The following KCNMA1 variants were observed in gnomAD, a reference collection of about 807,000 sequenced individuals.
The protein encoded by KCNMA1 is potassium calcium-activated channel subfamily M alpha 1.
A neutral mutation model predicts 140.0 loss-of-function variants in KCNMA1; 29 were observed. That is an observed-to-expected ratio of 0.21 (90% CI 0.15 to 0.28). The LOEUF (loss-of-function observed/expected upper bound fraction) is 0.28. Ranked by LOEUF, KCNMA1 falls within the 10% of genes least tolerant of loss-of-function variation. The pLI is 1.00. For synonymous variants in KCNMA1, 612 were observed against 611.9 expected (o/e 1.00, Z 0.00); for missense variants, 880 against 1,602.2 (o/e 0.55, Z 7.70).
intron 24 of KCNMA1, chr10:76,914,362 A>C: frequency 1.8e-6 from 1 of 551,260 alleles, no homozygotes; most frequent in Non-Finnish European, 3.2e-6. Flanking sequence ...CTATTGTCCA[A>C]CCAACATGGC....
intron 1 of KCNMA1, among the ~76,000 whole-genome samples, chr10:77,520,438 T>C (rs915294425): frequency 6.6e-6 from 1 of 151,970 alleles, no homozygotes; most frequent in Non-Finnish European, 1.5e-5. Flanking sequence ...TTCCTGCACA[T>C]AGGGGCTGGT....
intron 5 of KCNMA1, among the ~76,000 whole-genome samples, chr10:77,122,961 G>C (rs375565297): frequency 2.0e-5 from 3 of 151,766 alleles, no homozygotes; most frequent in Admixed American, 2.0e-4. Flanking sequence ...GGAGGATCAC[G>C]AGGTCAGGAG....
chr10:77,429,810 G>A (rs899802100), intron 1 of KCNMA1, among the ~76,000 whole-genome samples: 2 of 151,930 alleles, frequency 1.3e-5, no homozygotes, highest in Non-Finnish European at 1.5e-5. Flanking sequence ...TATCATATAT[G>A]TATATATATG....
intron 1 of KCNMA1, among the ~76,000 whole-genome samples, chr10:77,591,718 A>T (rs2079227913): frequency 6.6e-6 from 1 of 152,202 alleles, no homozygotes; most frequent in Non-Finnish European, 1.5e-5. Flanking sequence ...TTCCCTGGGA[A>T]TGTGGTTGCA....
At chr10:77,261,999 C>T (rs1013845573) in intron 2 of KCNMA1, among the ~76,000 whole-genome samples, 3 of 152,182 alleles carry the variant, frequency 2.0e-5, no homozygotes, top group African/African-American at 7.2e-5. Flanking sequence ...AGTTGCCACT[C>T]ACTGTCACCA....
In KCNMA1 at chr10:76,969,949, G is replaced by C. The variant is rs745723696; in HGVS notation, c.2360+25C>G. 3.8e-6 allele frequency: 6 copies of C among 1,574,214 alleles called. No homozygotes were observed. The African/African-American group carries it at 8.1e-5, about 21-fold the overall frequency. On this transcript the variant is annotated intron_variant, in intron 20 of 27. Transcript: ENST00000286628. ...GAAGAGAAGGGCTAAGAGGGAAACC[G>C]TGGGCAACCAGCCCCTCTCCTTACC... is the stretch of plus-strand genomic sequence containing the variant.
At chr10:77,231,167 T>C (rs1427228631) in intron 3 of KCNMA1, among the ~76,000 whole-genome samples, 1 of 152,198 alleles carries the variant, frequency 6.6e-6, no homozygotes, top group African/African-American at 2.4e-5. Flanking sequence ...TCCTTTATCA[T>C]TTGTACATGT....
chr10:77,194,871 T>C (rs2039912497), intron 3 of KCNMA1, among the ~76,000 whole-genome samples: 1 of 152,230 alleles, frequency 6.6e-6, no homozygotes, highest in African/African-American at 2.4e-5. Context: ...AAAACAGTTG[T>C]TCCATTTATC....
At chr10:77,288,737 T>C (rs905652106) in intron 2 of KCNMA1, among the ~76,000 whole-genome samples, 28 of 152,214 alleles carry the variant, frequency 1.8e-4, no homozygotes, top group African/African-American at 6.8e-4. Flanking sequence ...TAATGGTTAA[T>C]AATAGCTATC....
At chr10:77,546,500 G>A (rs2061492655) in intron 1 of KCNMA1, among the ~76,000 whole-genome samples, 1 of 152,242 alleles carries the variant, frequency 6.6e-6, no homozygotes, top group Non-Finnish European at 1.5e-5. Flanking sequence ...GACAAGCACA[G>A]GAGCAAAGCA....
At chr10:77,324,971 C>CTCTCTCTCTGTGTGTGTGTGTGTG (rs766240356) in intron 2 of KCNMA1, among the ~76,000 whole-genome samples, 5 of 90,378 alleles carry the variant, frequency 5.5e-5, no homozygotes, top group Non-Finnish European at 1.1e-4. Flanking sequence ...CTCTCTCTCT[C>CTCTCTCTCTGTGTGTGTGTGTGTG]TGTGTGTGTG....
At chr10:76,992,955 A>G (rs1385055197) in intron 19 of KCNMA1, among the ~76,000 whole-genome samples, 2 of 152,156 alleles carry the variant, frequency 1.3e-5, no homozygotes, top group African/African-American at 2.4e-5. Context: ...TTTTCCCCCC[A>G]TCGATGTAAG....
At chr10:77,341,355 T>C (rs937605026) in intron 2 of KCNMA1, among the ~76,000 whole-genome samples, 1 of 152,196 alleles carries the variant, frequency 6.6e-6, no homozygotes, top group African/African-American at 2.4e-5. Context: ...CATTTCCCAA[T>C]TATTTCTCAG....
chr10:77,470,181 A>G (rs1317091286), intron 1 of KCNMA1, among the ~76,000 whole-genome samples: 4 of 152,114 alleles, frequency 2.6e-5, no homozygotes, highest in African/African-American at 9.7e-5. Context: ...AGGATCCAGG[A>G]AAGGGAAACA....
intron 1 of KCNMA1, among the ~76,000 whole-genome samples, chr10:77,479,174 AAG>A (rs1422192584): frequency 6.6e-6 from 1 of 152,244 alleles, no homozygotes; most frequent in African/African-American, 2.4e-5. Flanking sequence ...AGAAATAGAA[AAG>A]AATATCCACA....
chr10:77,298,345 C>T (rs772825014), intron 2 of KCNMA1, among the ~76,000 whole-genome samples: 1 of 152,084 alleles, frequency 6.6e-6, no homozygotes, highest in Non-Finnish European at 1.5e-5. Flanking sequence ...TGGGCTCAAG[C>T]GATTCTCCTG....
At chr10:76,973,633 T>G (rs1211368360) in intron 19 of KCNMA1, among the ~76,000 whole-genome samples, 1 of 152,180 alleles carries the variant, frequency 6.6e-6, no homozygotes, top group Non-Finnish European at 1.5e-5. Flanking sequence ...TAATGCAGAG[T>G]TGAACATCTG....
intron 19 of KCNMA1, among the ~76,000 whole-genome samples, chr10:76,989,177 T>C (rs2082082831): frequency 6.6e-6 from 1 of 152,160 alleles, no homozygotes. Flanking sequence ...GAGGGCCTTT[T>C]TCTGTGCTTT....
chr10:77,575,328 G>C (rs1282375789), intron 1 of KCNMA1, among the ~76,000 whole-genome samples: 2 of 152,162 alleles, frequency 1.3e-5, no homozygotes, highest in African/African-American at 4.8e-5. Context: ...TGCATGAACT[G>C]TTCTCTCAAG....
Sources: allele counts gnomAD v4.1 joint callset (sites outside exome capture counted in the v4.1 genomes callset), GRCh38; gene constraint gnomAD v4.1.1; transcripts MANE v1.5; gene names NCBI Gene and HGNC (gene_info 2026-07-23, HGNC 2026-07-21).